TRA2B: variants seen among roughly 807,000 people sequenced by gnomAD.
TRA2B encodes transformer-2 protein homolog beta.
Under a neutral mutation model 41.7 loss-of-function variants are expected in TRA2B, and 14 were observed. The observed-to-expected ratio is 0.34, with a 90% confidence interval of 0.22 to 0.53. The LOEUF (loss-of-function observed/expected upper bound fraction) is 0.53, where lower values mean the gene tolerates loss of function less well. TRA2B is among the 20% of genes least tolerant of loss of function. The pLI is 0.95. For missense variants in TRA2B, 167 were observed against 396.8 expected (o/e 0.42, Z 4.92); for synonymous variants, 130 against 128.8 (o/e 1.01, Z -0.06).
intron 1 of TRA2B, among the ~76,000 whole-genome samples, chr3:185,933,934 T>C (rs971224846): frequency 6.0e-4 from 92 of 152,220 alleles, no homozygotes; most frequent in African/African-American, 2.1e-3. Flanking sequence ...GGGCCCCTTA[T>C]CCAAACTGTC....
chr3:185,937,531 A>C, intron 1 of TRA2B: 208 of 920,376 alleles, frequency 2.3e-4, no homozygotes, highest in Non-Finnish European at 2.8e-4. Flanking sequence ...CTCCCCCAAC[A>C]CCGCGGGGAC....
At chr3:185,929,558 G>C (rs1321693599) in intron 1 of TRA2B, among the ~76,000 whole-genome samples, 1 of 152,114 alleles carries the variant, frequency 6.6e-6, no homozygotes, top group Non-Finnish European at 1.5e-5. Context: ...TCACAGACTG[G>C]ATCTCAGCCA....
chr3:185,937,987 T>G lies in TRA2B; in HGVS notation c.-127A>C. On this transcript the variant is annotated 5_prime_UTR_variant, in exon 1 of 9. Coordinates refer to ENST00000453386, the MANE Select transcript of TRA2B (RefSeq NM_004593.3). ...GTCGCCCAGCCGCTCAGAGCCGAAATGCTCCGCACCGCCTCCGCACGGGCT... is the reference window on the plus strand; with the variant it reads ...GTCGCCCAGCCGCTCAGAGCCGAAAGGCTCCGCACCGCCTCCGCACGGGCT... The G allele has an allele frequency of 9.0e-7, 1 of 1,115,990 alleles. No individual in the cohort carries two copies. Among genetic ancestry groups the G allele is most frequent in the Non-Finnish European group, 1.3e-6 (1 of 764,154 alleles). 69.1% of individuals were successfully genotyped at this position (1,115,990 alleles called of 1,614,324 possible).
At chr3:185,923,012 G>A (rs1743798860) in intron 4 of TRA2B, 1 of 152,200 alleles carries the variant, frequency 6.6e-6, no homozygotes, top group South Asian at 2.1e-4. Flanking sequence ...GCGCATGGTG[G>A]CTCACACCTG....
intron 3 of TRA2B, 146 bp downstream of exon 3, chr3:185,925,318 A>T: frequency 1.1e-6 from 1 of 926,770 alleles, no homozygotes; most frequent in Non-Finnish European, 1.6e-6. Context: ...AGATTAACTT[A>T]AAAGACTCTC....
At position 185,915,417 on chromosome 3, in the gene TRA2B, C is replaced by A. The variant is rs1743467818; in HGVS notation, c.*2298G>T. 6.6e-6 allele frequency among the ~76,000 whole-genome samples: 1 copy of A among 152,128 alleles called. No homozygotes were observed. Among genetic ancestry groups the A allele is most frequent in the Non-Finnish European group, 1.5e-5 (1 of 68,016 alleles). ...CTTTAAGACTCAAATTTATCCTTTC[C>A]CATGGCTTTTGTCTGATTCAGCTGC... On this transcript the variant is annotated 3_prime_UTR_variant, in exon 9 of 9. Transcript: ENST00000453386.
intron 1 of TRA2B, chr3:185,927,649 A>G (rs1402246839): frequency 6.6e-6 from 1 of 152,240 alleles, no homozygotes; most frequent in African/African-American, 2.4e-5. Flanking sequence ...TAGCTTTCCC[A>G]ACCAAAACTG....
At chr3:185,925,278 A>C in intron 3 of TRA2B, 186 bp downstream of exon 3, 1 of 601,574 alleles carries the variant, frequency 1.7e-6, no homozygotes, top group Non-Finnish European at 2.7e-6. Flanking sequence ...CTTAATTGAC[A>C]GGCAGCCCAA....
rs939491065 is a variant in TRA2B at position 185,914,706 on chromosome 3, C to A, written c.*3009G>T. 1.3e-5 allele frequency among the ~76,000 whole-genome samples: 2 copies of A among 152,128 alleles called. No individual in the cohort carries two copies. The highest frequency in any genetic ancestry group is 6.5e-5 in the Admixed American group (1 of 15,270). On this transcript the variant is annotated 3_prime_UTR_variant, in exon 9 of 9. Coordinates refer to ENST00000453386, the MANE Select transcript of TRA2B (RefSeq NM_004593.3). Reference sequence around the variant, plus strand: ...TAAGCTAGCATTAAGTCCAATCCTACAAGAGCCAATCAAAATCCACTGAGA... The same window carrying A: ...TAAGCTAGCATTAAGTCCAATCCTAAAAGAGCCAATCAAAATCCACTGAGA...
At chr3:185,925,733 C>G in intron 2 of TRA2B, 107 bp from the exon 3 acceptor site, 1 of 1,141,624 alleles carries the variant, frequency 8.8e-7, no homozygotes, top group Non-Finnish European at 1.2e-6. Flanking sequence ...CAGGAATATG[C>G]TAACATGGTT....
rs1743441793 is a variant in TRA2B, at chr3:185,914,650, T to C, written c.*3065A>G. ...ACAATAATCCTTTACATTACTGTAG[T>C]AGCATTCTGGCTTTTTGATGACATT... On this transcript the variant is annotated 3_prime_UTR_variant, in exon 9 of 9. Transcript: ENST00000453386. Among the ~76,000 whole-genome samples, 1 of 152,158 alleles carries C rather than the reference T, an allele frequency of 6.6e-6. No homozygotes were observed. The highest frequency in any genetic ancestry group is 6.5e-5 in the Admixed American group (1 of 15,276).
intron 1 of TRA2B, among the ~76,000 whole-genome samples, chr3:185,931,341 G>A (rs567633710): frequency 6.6e-6 from 1 of 152,266 alleles, no homozygotes; most frequent in Admixed American, 6.5e-5. Flanking sequence ...AGGACAACAT[G>A]AAGCCCACTG....
intron 6 of TRA2B, among the ~76,000 whole-genome samples, 176 bp from the exon 7 acceptor site, chr3:185,919,672 TAAG>T (rs1486255999): frequency 6.6e-6 from 1 of 152,048 alleles, no homozygotes; most frequent in Non-Finnish European, 1.5e-5. Flanking sequence ...GTGGCTGAAA[TAAG>T]TAGTATTAGA....
intron 1 of TRA2B, among the ~76,000 whole-genome samples, chr3:185,929,766 A>C (rs1744080802): frequency 6.6e-6 from 1 of 152,182 alleles, no homozygotes; most frequent in Non-Finnish European, 1.5e-5. Context: ...AGTGGCTCAT[A>C]AACACTGCAT....
intron 3 of TRA2B, 94 bp downstream of exon 3, chr3:185,925,370 C>G: frequency 4.2e-6 from 6 of 1,435,368 alleles, no homozygotes; most frequent in Non-Finnish European, 5.7e-6. Flanking sequence ...ACTCACGCAC[C>G]AACTGCTAAA....
intron 3 of TRA2B, chr3:185,924,921 T>C (rs1743886169): frequency 6.6e-6 from 1 of 152,196 alleles, no homozygotes; most frequent in Non-Finnish European, 1.5e-5. Context: ...AACTAACAAT[T>C]TACTAGGGAA....
At position 185,917,387 on chromosome 3, in the gene TRA2B, G is replaced by C. The variant is rs1006736102; in HGVS notation, c.*328C>G. ...TTTGGTAGCATTTTACACAGGCTTC[G>C]ATCTTCAGAATACCCTGGATTCAGT... On this transcript the variant is annotated 3_prime_UTR_variant, in exon 9 of 9. Coordinates refer to ENST00000453386, the MANE Select transcript of TRA2B (RefSeq NM_004593.3). The C allele has an allele frequency of 1.7e-5, 5 of 302,504 alleles. No individual in the cohort carries two copies. The highest frequency in any genetic ancestry group is 6.1e-6 in the Non-Finnish European group (1 of 164,874). 18.7% of individuals were successfully genotyped at this position (302,504 alleles called of 1,614,324 possible). A position where few individuals can be genotyped will look rare whatever the true frequency, so the allele number is the denominator to read the frequency against.
At chr3:185,937,277 C>T (rs891336643) in intron 1 of TRA2B, 1 of 986,614 alleles carries the variant, frequency 1.0e-6, no homozygotes, top group East Asian at 1.1e-4. Context: ...TCCGTCCTTT[C>T]CGTGGAGGCA....
intron 4 of TRA2B, 92 bp downstream of exon 4, chr3:185,923,704 C>T: frequency 8.1e-7 from 1 of 1,242,150 alleles, no homozygotes; most frequent in Non-Finnish European, 1.1e-6. Flanking sequence ...GTATTACTGA[C>T]TTGTCCTTGT....
Sources: allele counts gnomAD v4.1 joint callset (sites outside exome capture counted in the v4.1 genomes callset), GRCh38; gene constraint gnomAD v4.1.1; transcripts MANE v1.5; gene names NCBI Gene and HGNC (gene_info 2026-07-23, HGNC 2026-07-21).